The following IL32 variants were observed in gnomAD, a reference collection of about 807,000 sequenced individuals.
IL32 encodes interleukin-32.
IL32 carries 30 observed loss-of-function variants against 16.6 expected under a neutral mutation model. The ratio of observed to expected loss-of-function variants is 1.81; its 90% CI spans 1.35 to 2.45. The LOEUF is 2.45. IL32 is among the 30% of genes most tolerant of loss of function. The probability of loss-of-function intolerance (pLI) is 0.00; values close to 1 mark genes in which losing one functional copy is unlikely to be tolerated. For missense variants in IL32, 234 were observed against 229.8 expected, an observed-to-expected ratio of 1.02 and a Z score of -0.12; for synonymous variants, 70 against 86.1, an observed-to-expected ratio of 0.81 and a Z score of 1.03.
At chr16:3,065,875 C>T (rs372765113) in intron 2 of IL32, 49 bp downstream of exon 2, 97 of 1,610,514 alleles carry the variant, frequency 6.0e-5, no homozygotes, top group Admixed American at 1.3e-4. Flanking sequence ...GAAAACAGAC[C>T]GTAAGGGTGC....
chr16:3,068,693 A>C, intron 6 of IL32: 1 of 462,982 alleles, frequency 2.2e-6, no homozygotes, highest in Non-Finnish European at 4.0e-6. Context: ...GTGACAGCCT[A>C]GCTGGGACCT....
rs1956835319 is a variant in IL32 at position 3,069,492 on chromosome 16, T to A, written c.*137T>A. The A allele has an allele frequency of 9.2e-7, 1 of 1,086,526 alleles. No homozygotes were observed. Among genetic ancestry groups the A allele is most frequent in the Admixed American group, 2.4e-5 (1 of 41,022 alleles). The allele number at this position is 1,086,526 out of a possible 1,614,324, so 67.3% of individuals were successfully genotyped here. On this transcript the variant is annotated 3_prime_UTR_variant, in exon 7 of 7. Transcript: ENST00000525643. The stretch of plus-strand genomic sequence containing the variant: ...TCCTGCCGCAGCTCTGACCTGGTGC[T>A]GTCGCCCTGGCATCTTAATAAAACC...
At position 3,065,811 on chromosome 16, in the gene IL32, C is replaced by A; in HGVS notation, c.-1C>A. Reference sequence around the variant, plus strand: ...CTTGGCTCCTTGAACTTTTGGCCGCCATGTGCTTCCCGAAGGTGAGTGAGA... The same window carrying A: ...CTTGGCTCCTTGAACTTTTGGCCGCAATGTGCTTCCCGAAGGTGAGTGAGA... On this transcript the variant is annotated 5_prime_UTR_variant, in exon 2 of 7. Coordinates refer to ENST00000525643, the MANE Select transcript of IL32 (RefSeq NM_001376923.1). The A allele has an allele frequency of 1.2e-6, 2 of 1,614,152 alleles. No individual in the cohort carries two copies. The highest frequency in any genetic ancestry group is 1.7e-6 in the Non-Finnish European group (2 of 1,180,024).
At chr16:3,065,969 A>G in intron 2 of IL32, 143 bp downstream of exon 2, 1 of 1,014,768 alleles carries the variant, frequency 9.9e-7, no homozygotes, top group Non-Finnish European at 1.6e-6. Context: ...TGATGGGGTG[A>G]GAGTGTCAGT....
rs1567142567 is a variant in IL32, at chr16:3,067,366, T to C, written c.16-11T>C. On this transcript the variant is annotated splice_polypyrimidine_tract_variant and intron_variant, in intron 2 of 6. Transcript: ENST00000525643. ...ACACATGGAGACTGAGTGTCACCGT[T>C]ATTTCCGCAGGTCCTCTCTGATGAC... 2 of 1,514,324 alleles carry C rather than the reference T, an allele frequency of 1.3e-6. No individual in the cohort carries two copies. The highest frequency in any genetic ancestry group is 2.6e-5 in the South Asian group (2 of 77,264). 93.8% of individuals were successfully genotyped at this position (1,514,324 alleles called of 1,614,324 possible).
chr16:3,067,809 C>T, intron 4 of IL32, 175 bp from the exon 5 acceptor site: 1 of 834,230 alleles, frequency 1.2e-6, no homozygotes. Context: ...CTGAGGGAGG[C>T]ATCCAAGCCC....
intron 2 of IL32, among the ~76,000 whole-genome samples, chr16:3,066,158 G>A (rs1001234616): frequency 3.3e-5 from 5 of 152,188 alleles, no homozygotes; most frequent in African/African-American, 9.7e-5. Flanking sequence ...AGCTGGGTGG[G>A]CCCAAGAGCA....
Position 3,069,330 on chromosome 16 carries a change from G to A in IL32, c.542G>A (p.Cys181Tyr), listed in dbSNP as rs780936859. 11 of 1,601,718 alleles carry A rather than the reference G, an allele frequency of 6.9e-6. No homozygotes were observed. The Admixed American group carries it at 7.0e-5, about 10-fold the overall frequency. The change falls in exon 7 of 7, where the codon TGC becomes TAC. Residue 181 changes from cysteine (C) to tyrosine (Y), a missense_variant. Transcript: ENST00000525643. ...AAGGAGGAGCTGACACCCCAGAAGT[G>A]CTCTGAACCCCAATCCTCAAAATGA... The part of the protein sequence containing the change: ...GDKEELTPQK[C>Y]SEPQSSK
At chr16:3,067,659 C>T (rs1395663700) in intron 4 of IL32, 46 bp downstream of exon 4, 1 of 1,382,970 alleles carries the variant, frequency 7.2e-7, no homozygotes, top group African/African-American at 1.4e-5. Context: ...TCCCCGCCCC[C>T]AGGCACTCCA....
At chr16:3,067,489 G>T (rs1185544689) in intron 3 of IL32, 65 bp from the exon 4 acceptor site, 1 of 1,613,916 alleles carries the variant, frequency 6.2e-7, no homozygotes. Context: ...GACACTGTGG[G>T]ACACCTGGGA....
chr16:3,069,383 C>A lies in IL32; in HGVS notation c.*28C>A, dbSNP rs79583387. On this transcript the variant is annotated 3_prime_UTR_variant, in exon 7 of 7. Coordinates refer to ENST00000525643, the MANE Select transcript of IL32 (RefSeq NM_001376923.1). Reference sequence around the variant, plus strand: ...ATACTGACACCACCTTTGCCCTCCCCGTCACCGCGCACCCACCCTGACCCC... The same window carrying A: ...ATACTGACACCACCTTTGCCCTCCCAGTCACCGCGCACCCACCCTGACCCC... The A allele has an allele frequency of 7.2e-3, 10,355 of 1,435,056 alleles. 64 individuals are homozygous for A. The highest frequency in any genetic ancestry group is 0.022 in the African/African-American group (1,542 of 68,694). 88.9% of individuals were successfully genotyped at this position (1,435,056 alleles called of 1,614,324 possible).
intron 6 of IL32, chr16:3,068,782 C>G: frequency 1.3e-6 from 1 of 767,076 alleles, no homozygotes; most frequent in Non-Finnish European, 2.1e-6. Context: ...CAAGCAGACA[C>G]ACCCATCCTG....
chr16:3,067,927 C>G (rs1183298007), intron 4 of IL32, 57 bp from the exon 5 acceptor site: 37 of 1,598,200 alleles, frequency 2.3e-5, no homozygotes, highest in South Asian at 2.1e-4. Context: ...TGAGGACTGA[C>G]TGATGTGGGG....
rs1956504557 is a variant in IL32 at position 3,067,430 on chromosome 16, T to G, written c.54+15T>G. ...AGGCCCGAATGGTAATGCTCCTCCC[T>G]ACTTCTGCTCAGGGGTTGGGGGCCT... On this transcript the variant is annotated intron_variant, in intron 3 of 6. Transcript: ENST00000525643. The G allele has an allele frequency of 6.2e-7, 1 of 1,603,868 alleles. No homozygotes were observed. The highest frequency in any genetic ancestry group is 8.5e-7 in the Non-Finnish European group (1 of 1,174,618).
At chr16:3,066,554 C>T (rs1041181982) in intron 2 of IL32, among the ~76,000 whole-genome samples, 1 of 152,106 alleles carries the variant, frequency 6.6e-6, no homozygotes, top group Non-Finnish European at 1.5e-5. Context: ...AGACTAGGCC[C>T]TTGACGTGGG....
At chr16:3,068,078 T>G in intron 5 of IL32, 68 bp downstream of exon 5, 1 of 1,606,790 alleles carries the variant, frequency 6.2e-7, no homozygotes, top group Non-Finnish European at 8.5e-7. Flanking sequence ...ACACTGGGTC[T>G]GGGCCCCGGG....
At chr16:3,068,883 G>C in intron 6 of IL32, 107 bp from the exon 7 acceptor site, 2 of 1,544,238 alleles carry the variant, frequency 1.3e-6, no homozygotes, top group Non-Finnish European at 1.7e-6. Context: ...AACACCTGTG[G>C]GCCTCCGTCT....
At chr16:3,068,609 C>A in intron 6 of IL32, 1 of 409,124 alleles carries the variant, frequency 2.4e-6, no homozygotes, top group East Asian at 5.4e-5. Context: ...CCGGGCCCAG[C>A]CAACCCCTGC....
chr16:3,065,408 C>G (rs1956213598), upstream of IL32: 1 of 259,830 alleles, frequency 3.8e-6, no homozygotes, highest in Non-Finnish European at 7.5e-6. Flanking sequence ...GGCTCAGAGA[C>G]TCCCACCCCA....
Sources: gnomAD v4.1 joint callset for allele counts (sites outside exome capture counted in the v4.1 genomes callset) on GRCh38, gnomAD v4.1.1 for gene constraint, MANE v1.5 for transcripts, NCBI Gene and HGNC (gene_info 2026-07-23, HGNC 2026-07-21) for gene names.